E2F7: variants seen among roughly 807,000 people sequenced by gnomAD.
The protein encoded by E2F7 is transcription factor E2F7.
E2F7 carries 35 observed loss-of-function variants against 81.1 expected under a neutral mutation model. The observed-to-expected ratio is 0.43, with a 90% confidence interval of 0.33 to 0.57. The LOEUF (loss-of-function observed/expected upper bound fraction) is 0.57. E2F7 is among the 20% of genes least tolerant of loss of function. The probability of loss-of-function intolerance (pLI) is 0.04; values close to 1 mark genes in which losing one functional copy is unlikely to be tolerated. For synonymous variants in E2F7, 416 were observed against 416.2 expected, an observed-to-expected ratio of 1.00 and a Z score of 0.01; for missense variants, 961 against 1,093.7, an observed-to-expected ratio of 0.88 and a Z score of 1.71.
intron 1 of E2F7, 88 bp from the exon 2 acceptor site, chr12:77,064,723 G>T: frequency 8.8e-7 from 1 of 1,130,212 alleles, no homozygotes; most frequent in Non-Finnish European, 1.3e-6. Flanking sequence ...TTACTTGTTT[G>T]TCAATATGAA....
chr12:77,055,881 C>T lies in E2F7; in HGVS notation c.343G>A (p.Asp115Asn), dbSNP rs1298875837. 1.2e-6 allele frequency: 2 copies of T among 1,612,742 alleles called. No homozygotes were observed. Among genetic ancestry groups the T allele is most frequent in the Admixed American group, 3.3e-5 (2 of 59,758 alleles). Reference sequence around the variant, plus strand: ...TGTAGAGAATCTGTAAATGCATCGTCCTTGTTTTCAATGGGTCGGAATAGT... The same window carrying T: ...TGTAGAGAATCTGTAAATGCATCGTTCTTGTTTTCAATGGGTCGGAATAGT... ...KGLFRPIENK[D>N]DAFTDSLQLD... Residue 115 changes from aspartate (D) to asparagine (N), a missense_variant, in exon 3 of 13, where the codon GAC becomes AAC. Asp to Asn is a conservative substitution (Grantham distance 23, BLOSUM62 1). Transcript: ENST00000322886.
In E2F7 at chr12:77,028,122, G is replaced by C. The variant is rs748964078; in HGVS notation, c.1901C>G (p.Thr634Arg). 7 of 1,613,546 alleles carry C rather than the reference G, an allele frequency of 4.3e-6. No homozygotes were observed. The South Asian group carries it at 7.7e-5, about 18-fold the overall frequency. The change falls in exon 11 of 13, where the codon ACA becomes AGA. Residue 634 changes from threonine to arginine, a missense_variant. Coordinates refer to ENST00000322886, the MANE Select transcript of E2F7 (RefSeq NM_203394.3). Reference protein sequence around the residue: ...LVMPKKPSDSTDLASPKTMGN... With the variant: ...LVMPKKPSDSRDLASPKTMGN... Reference sequence around the variant, plus strand: ...CATAGTCTTGGGAGAGGCAAGGTCTGTGGAATCTGAGGGTTTCTAAACACA... The same window carrying C: ...CATAGTCTTGGGAGAGGCAAGGTCTCTGGAATCTGAGGGTTTCTAAACACA...
chr12:77,021,687 TTAG>T lies in E2F7; in HGVS notation c.*2325_*2327del, dbSNP rs891311540. The T allele has an allele frequency of 6.6e-6, 1 of 152,590 alleles. No homozygotes were observed. The highest frequency in any genetic ancestry group is 2.4e-5 in the African/African-American group (1 of 41,442). The allele number at this position is 152,590 out of a possible 1,614,324, so 9.5% of individuals were successfully genotyped here. On this transcript the variant is annotated 3_prime_UTR_variant, in exon 13 of 13. Coordinates refer to ENST00000322886, the MANE Select transcript of E2F7 (RefSeq NM_203394.3). The stretch of plus-strand genomic sequence containing the variant: ...GACAACTCAAAAAAGCTGCATTCTC[TTAG>T]TAGGACCACCAACGATTATTTTTTT...
chr12:77,064,733 A>T, intron 1 of E2F7, 98 bp from the exon 2 acceptor site: 4 of 1,027,878 alleles, frequency 3.9e-6, no homozygotes, highest in Non-Finnish European at 5.9e-6. Flanking sequence ...GTCAATATGA[A>T]ATTCCCCCTT....
At chr12:77,033,011 TAGAAA>T (rs1311935925) in intron 9 of E2F7, 34 bp downstream of exon 9, 1 of 1,575,226 alleles carries the variant, frequency 6.3e-7, no homozygotes, top group Non-Finnish European at 8.6e-7. Context: ...CACTAGGAGA[TAGAAA>T]AGAATACACT....
At chr12:77,063,495 TA>T (rs1463539893) in intron 2 of E2F7, among the ~76,000 whole-genome samples, 1 of 152,132 alleles carries the variant, frequency 6.6e-6, no homozygotes, top group Non-Finnish European at 1.5e-5. Flanking sequence ...GTGGAAAACA[TA>T]AACAGAATAA....
chr12:77,059,130 A>T (rs1592568090), intron 2 of E2F7, among the ~76,000 whole-genome samples: 2 of 152,140 alleles, frequency 1.3e-5, no homozygotes, highest in Non-Finnish European at 2.9e-5. Context: ...TTCTTCATAT[A>T]TTTTGATATA....
intron 1 of E2F7, among the ~76,000 whole-genome samples, chr12:77,065,081 C>T (rs1485820813): frequency 1.3e-5 from 2 of 152,162 alleles, no homozygotes; most frequent in African/African-American, 4.8e-5. Context: ...GAGCGCAGCC[C>T]CTTCCCAGGC....
chr12:77,043,960 T>C (rs1314395674), intron 6 of E2F7, among the ~76,000 whole-genome samples: 6 of 152,204 alleles, frequency 3.9e-5, no homozygotes, highest in Middle Eastern at 3.2e-3. Flanking sequence ...TGAATTATCA[T>C]CCAGAAATAG....
At chr12:77,027,129 A>G (rs1954766306) in intron 11 of E2F7, among the ~76,000 whole-genome samples, 1 of 152,264 alleles carries the variant, frequency 6.6e-6, no homozygotes, top group Non-Finnish European at 1.5e-5. Flanking sequence ...GTGAATAATC[A>G]TAAATACTAA....
chr12:77,033,384 C>T (rs73758), intron 8 of E2F7, among the ~76,000 whole-genome samples: 113,028 of 151,982 alleles, frequency 0.74, 42,293 homozygotes, highest in African/African-American at 0.81. Context: ...TGGTGATGCA[C>T]GCCTGTGGTC....
Position 77,030,278 on chromosome 12 carries a change from A to G in E2F7, c.1437T>C (p.Pro479=), listed in dbSNP as rs376079186. 25 of 1,601,916 alleles carry G rather than the reference A, an allele frequency of 1.6e-5. No individual in the cohort carries two copies. The African/African-American group carries it at 2.8e-4, about 18-fold the overall frequency. Residue 479 remains proline, a synonymous_variant, in exon 10 of 13, where the codon CCT becomes CCC. Transcript: ENST00000322886. ...CAGAGAGGACAGGGAAAGGAGCAAC[A>G]GGGTCCAAGCTGCTTGATGGAGGCA... ...RVVPPSSSLD[P]VAPFPVLSVD...
At position 77,027,996 on chromosome 12, in the gene E2F7, G is replaced by C; in HGVS notation, c.2027C>G (p.Ser676Cys). Residue 676 changes from serine to cysteine, a missense_variant, in exon 11 of 13, where the codon TCT becomes TGT. Physicochemically the swap from Ser to Cys is moderately radical, Grantham distance 112. This residue lies in a region of E2F7 where 587 missense variants were observed against 620.3 expected (regional missense o/e 0.95). Transcript: ENST00000322886. The part of the protein sequence containing the change: ...SGKATANSLV[S>C]SEWGNPSRNT... The stretch of plus-strand genomic sequence containing the variant: ...TCTTGAAGGATTTCCCCACTCAGAA[G>C]AAACAAGAGAGTTTGCTGTTGCCTT... 2 of 1,614,140 alleles carry C rather than the reference G, an allele frequency of 1.2e-6. No individual in the cohort carries two copies. Among genetic ancestry groups the C allele is most frequent in the Non-Finnish European group, 1.7e-6 (2 of 1,180,008 alleles).
rs1004277268 is a variant in E2F7, at chr12:77,065,552, C to G, written c.-208G>C. On this transcript the variant is annotated 5_prime_UTR_variant, in exon 1 of 13. Transcript: ENST00000322886. ...GCGCTCAGACCGGCCGAGCGCAACTCCAGCCTGGATCGTAGTCCCCGCTAA... is the reference window on the plus strand; with the variant it reads ...GCGCTCAGACCGGCCGAGCGCAACTGCAGCCTGGATCGTAGTCCCCGCTAA... 2.0e-5 allele frequency: 3 copies of G among 152,372 alleles called. No homozygotes were observed. Among genetic ancestry groups the G allele is most frequent in the Non-Finnish European group, 2.9e-5 (2 of 68,188 alleles). 9.4% of individuals were successfully genotyped at this position (152,372 alleles called of 1,614,324 possible). A position where few individuals can be genotyped will look rare whatever the true frequency, so the allele number is the denominator to read the frequency against.
chr12:77,056,844 A>C (rs766787797), intron 2 of E2F7, among the ~76,000 whole-genome samples: 1 of 151,562 alleles, frequency 6.6e-6, no homozygotes, highest in Non-Finnish European at 1.5e-5. Flanking sequence ...ATAAGCTTAG[A>C]TATGGTGGCA....
intron 7 of E2F7, 106 bp downstream of exon 7, chr12:77,042,959 T>C: frequency 6.5e-7 from 1 of 1,544,614 alleles, no homozygotes; most frequent in Non-Finnish European, 8.8e-7. Context: ...ATTTTGTATG[T>C]GACATGGGAA....
intron 7 of E2F7, among the ~76,000 whole-genome samples, chr12:77,037,338 C>A (rs1467750775): frequency 6.6e-6 from 1 of 152,162 alleles, no homozygotes; most frequent in East Asian, 1.9e-4. Context: ...CACCCCTAAT[C>A]CTAACACTTT....
chr12:77,040,821 T>C (rs779658461), intron 7 of E2F7, among the ~76,000 whole-genome samples: 107 of 152,204 alleles, frequency 7.0e-4, no homozygotes, highest in Non-Finnish European at 1.2e-3. Context: ...TTTAACTTCC[T>C]GCCATTTATT....
chr12:77,035,811 C>T (rs1222810158), intron 7 of E2F7, among the ~76,000 whole-genome samples: 2 of 151,730 alleles, frequency 1.3e-5, no homozygotes, highest in African/African-American at 4.9e-5. Context: ...GTATTGCATA[C>T]CATAAATTCA....
Sources: allele counts gnomAD v4.1 joint callset (sites outside exome capture counted in the v4.1 genomes callset), GRCh38; gene constraint gnomAD v4.1.1; regional missense constraint gnomAD v4.1.1; transcripts MANE v1.5; gene names NCBI Gene and HGNC (gene_info 2026-07-23, HGNC 2026-07-21).